ARHGAP22: variants seen among roughly 807,000 people sequenced by gnomAD.
ARHGAP22 encodes the protein Rho GTPase activating protein 22.
ARHGAP22 carries 48 observed loss-of-function variants against 59.1 expected under a neutral mutation model. That is an observed-to-expected ratio of 0.81 (90% CI 0.64 to 1.03). ARHGAP22 has a LOEUF of 1.03. Ranked by LOEUF, ARHGAP22 falls within the 50% of genes least tolerant of loss-of-function variation. ARHGAP22 has a pLI of 0.00. For synonymous variants in ARHGAP22, 445 were observed against 416.4 expected, an observed-to-expected ratio of 1.07 and a Z score of -0.84; for missense variants, 1,015 against 958.7, an observed-to-expected ratio of 1.06 and a Z score of -0.78.
At chr10:48,595,171 C>T (rs927211862) in intron 1 of ARHGAP22, among the ~76,000 whole-genome samples, 2 of 152,126 alleles carry the variant, frequency 1.3e-5, no homozygotes, top group African/African-American at 4.8e-5. Flanking sequence ...GGAGAAGTGG[C>T]TGTAGGACAA....
At position 48,642,115 on chromosome 10, in the gene ARHGAP22, A is replaced by C. The variant is rs187654888; in HGVS notation, c.52+10119T>G. On this transcript the variant is annotated intron_variant, in intron 1 of 9. Transcript: ENST00000435790. ...ACACAAACAAATGGAAGAACATTCC[A>C]TACTCATGGATAGGAAGAATCAATA... 7.7e-3 allele frequency among the ~76,000 whole-genome samples: 1,178 copies of C among 152,350 alleles called. 26 individuals carry two copies. The highest frequency in any genetic ancestry group is 0.041 in the Admixed American group (635 of 15,308).
intron 1 of ARHGAP22, among the ~76,000 whole-genome samples, chr10:48,600,351 T>C (rs1428294501): frequency 6.6e-6 from 1 of 152,188 alleles, no homozygotes; most frequent in African/African-American, 2.4e-5. Flanking sequence ...AGTGTCACTC[T>C]GGTTGGGAGA....
At chr10:48,603,079 G>A (rs113446568) in intron 1 of ARHGAP22, among the ~76,000 whole-genome samples, 35 of 152,334 alleles carry the variant, frequency 2.3e-4, no homozygotes, top group African/African-American at 8.2e-4. Context: ...CTGGAAGAGG[G>A]CTGTATGGCT....
chr10:48,461,598 C>T (rs1394220136), intron 4 of ARHGAP22, among the ~76,000 whole-genome samples: 1 of 152,174 alleles, frequency 6.6e-6, no homozygotes, highest in Non-Finnish European at 1.5e-5. Context: ...AAATATATCA[C>T]TAGGCTAAGA....
At chr10:48,595,608 C>T (rs2060020867) in intron 1 of ARHGAP22, among the ~76,000 whole-genome samples, 1 of 152,126 alleles carries the variant, frequency 6.6e-6, no homozygotes, top group Non-Finnish European at 1.5e-5. Context: ...ACTGCAGGCT[C>T]AAACTCTTAG....
chr10:48,456,451 C>T (rs1007182675), intron 5 of ARHGAP22, among the ~76,000 whole-genome samples: 1 of 152,180 alleles, frequency 6.6e-6, no homozygotes, highest in African/African-American at 2.4e-5. Context: ...ATGCTGCTAT[C>T]ACACCCTCCT....
intron 1 of ARHGAP22, among the ~76,000 whole-genome samples, chr10:48,587,050 A>G (rs1387465662): frequency 1.3e-5 from 2 of 152,220 alleles, no homozygotes; most frequent in African/African-American, 4.8e-5. Context: ...CAACCTCAGC[A>G]GCCCCGTGTG....
At chr10:48,505,912 C>T (rs1351433087) in intron 3 of ARHGAP22, among the ~76,000 whole-genome samples, 1 of 152,214 alleles carries the variant, frequency 6.6e-6, no homozygotes, top group African/African-American at 2.4e-5. Flanking sequence ...TTCTACCGGC[C>T]CAATACTCCG....
chr10:48,650,611 G>A (rs2062521662), intron 1 of ARHGAP22, among the ~76,000 whole-genome samples: 1 of 152,132 alleles, frequency 6.6e-6, no homozygotes, highest in Non-Finnish European at 1.5e-5. Context: ...AATTCATTAA[G>A]TTCAGGTATG....
intron 3 of ARHGAP22, among the ~76,000 whole-genome samples, chr10:48,547,271 G>C (rs777069247): frequency 1.1e-4 from 16 of 152,256 alleles, no homozygotes; most frequent in Non-Finnish European, 2.2e-4. Context: ...CCATGGCCCT[G>C]ATTCCCATGG....
chr10:48,472,353 T>C (rs1439277558), intron 4 of ARHGAP22, among the ~76,000 whole-genome samples: 1 of 151,502 alleles, frequency 6.6e-6, no homozygotes, highest in East Asian at 1.9e-4. Context: ...GTGAAACCCC[T>C]GCTGTACTCA....
At chr10:48,619,419 A>G (rs1280106465) in intron 1 of ARHGAP22, among the ~76,000 whole-genome samples, 1 of 152,208 alleles carries the variant, frequency 6.6e-6, no homozygotes, top group East Asian at 1.9e-4. Flanking sequence ...AGCTGGAGGC[A>G]TCACACTACT....
upstream of ARHGAP22, among the ~76,000 whole-genome samples, chr10:48,654,348 T>C (rs2062673891): frequency 6.6e-6 from 1 of 152,236 alleles, no homozygotes; most frequent in African/African-American, 2.4e-5. Flanking sequence ...TATCTTCCAG[T>C]GTCTCTCTCA....
intron 1 of ARHGAP22, 38 bp from the exon 2 acceptor site, chr10:48,583,190 G>A (rs766918053): frequency 1.3e-5 from 21 of 1,593,576 alleles, no homozygotes; most frequent in Non-Finnish European, 1.7e-5. Flanking sequence ...CATGAAGGCA[G>A]CGTGCCTGCT....
chr10:48,512,176 T>C (rs1039406561), intron 3 of ARHGAP22, among the ~76,000 whole-genome samples: 4 of 152,270 alleles, frequency 2.6e-5, no homozygotes, highest in Admixed American at 6.5e-5. Context: ...GCCAGTTTCA[T>C]TGGCAAATGG....
chr10:48,488,414 G>T (rs1341537237), intron 3 of ARHGAP22, among the ~76,000 whole-genome samples: 2 of 152,202 alleles, frequency 1.3e-5, no homozygotes, highest in East Asian at 3.9e-4. Flanking sequence ...TTGCATTCCT[G>T]TTATTTCTAA....
intron 3 of ARHGAP22, among the ~76,000 whole-genome samples, chr10:48,534,471 A>T (rs1267895223): frequency 1.3e-5 from 2 of 152,216 alleles, no homozygotes; most frequent in Non-Finnish European, 2.9e-5. Flanking sequence ...TGCCATATGG[A>T]CAAACACAGC....
chr10:48,582,873 C>T, intron 2 of ARHGAP22, 80 bp downstream of exon 2: 1 of 1,524,048 alleles, frequency 6.6e-7, no homozygotes, highest in Non-Finnish European at 9.0e-7. Flanking sequence ...CTGTGCCTTC[C>T]TCCCTTCTCC....
At chr10:48,462,499 A>T (rs1274425325) in intron 4 of ARHGAP22, among the ~76,000 whole-genome samples, 5 of 152,216 alleles carry the variant, frequency 3.3e-5, no homozygotes, top group African/African-American at 1.2e-4. Flanking sequence ...AGCATGCATG[A>T]CAGGGACAAC....
Sources: gnomAD v4.1 joint callset for allele counts (sites outside exome capture counted in the v4.1 genomes callset) on GRCh38, gnomAD v4.1.1 for gene constraint, MANE v1.5 for transcripts, NCBI Gene and HGNC (gene_info 2026-07-23, HGNC 2026-07-21) for gene names.